The following DOCK10 variants were observed in gnomAD, a reference collection of about 807,000 sequenced individuals.
DOCK10 encodes the protein dedicator of cytokinesis protein 10.
DOCK10 carries 145 observed loss-of-function variants against 280.1 expected under a neutral mutation model. The ratio of observed to expected loss-of-function variants is 0.52; its 90% CI spans 0.45 to 0.59. The LOEUF is 0.59. Among genes scored for constraint, DOCK10 ranks in the 20% least tolerant of loss-of-function variants. The pLI, the probability that DOCK10 is intolerant of heterozygous loss-of-function variation, is 0.00. For synonymous variants in DOCK10, 915 were observed against 942.2 expected (o/e 0.97, Z 0.53); for missense variants, 2,368 against 2,651.7 (o/e 0.89, Z 2.35).
chr2:224,777,611 C>A (rs541644367), intron 51 of DOCK10, among the ~76,000 whole-genome samples: 4 of 152,326 alleles, frequency 2.6e-5, no homozygotes, highest in African/African-American at 9.6e-5. Flanking sequence ...GCACTGTCAA[C>A]TTCCCTACTT....
At chr2:225,021,850 A>G (rs897573198) in intron 1 of DOCK10, among the ~76,000 whole-genome samples, 1 of 152,228 alleles carries the variant, frequency 6.6e-6, no homozygotes. Context: ...TTAAGCCAGC[A>G]CAGTTTTTTG....
chr2:224,801,870 A>G, intron 40 of DOCK10, 46 bp downstream of exon 40: 4 of 1,598,866 alleles, frequency 2.5e-6, no homozygotes, highest in Non-Finnish European at 3.4e-6. Flanking sequence ...ACATACCTAG[A>G]GAAAAACTGG....
intron 2 of DOCK10, among the ~76,000 whole-genome samples, chr2:224,919,547 ATG>A (rs1388487749): frequency 6.7e-6 from 1 of 148,528 alleles, no homozygotes; most frequent in African/African-American, 2.5e-5. Context: ...TGGTATGTGA[ATG>A]TGTGTGGAGT....
intron 29 of DOCK10, among the ~76,000 whole-genome samples, chr2:224,819,056 C>T (rs1035982672): frequency 6.6e-6 from 1 of 152,146 alleles, no homozygotes; most frequent in Admixed American, 6.5e-5. Context: ...ATCTCCCCAG[C>T]GTATACCCCT....
chr2:224,822,899 A>G (rs1366944124), intron 28 of DOCK10, among the ~76,000 whole-genome samples: 1 of 151,450 alleles, frequency 6.6e-6, no homozygotes, highest in Non-Finnish European at 1.5e-5. Flanking sequence ...TAAAAATTTC[A>G]TTTTTTCTCT....
rs1358308100 is a variant in DOCK10 at position 224,864,453 on chromosome 2, T to C, written c.1602+100A>G. The stretch of plus-strand genomic sequence containing the variant: ...TGAACCCAGGAGACAGAGGTTGCAG[T>C]GAGCTGCGATTGTGCCACTGCACTC... On this transcript the variant is annotated intron_variant, in intron 13 of 55. Coordinates refer to ENST00000258390, the MANE Select transcript of DOCK10 (RefSeq NM_014689.3). The C allele has an allele frequency of 1.1e-5, 13 of 1,176,372 alleles. No homozygotes were observed. In the Admixed American group the frequency reaches 4.1e-4, roughly 37 times the overall value. 72.9% of individuals were successfully genotyped at this position (1,176,372 alleles called of 1,614,324 possible). A position where few individuals can be genotyped will look rare whatever the true frequency, so the allele number is the denominator to read the frequency against.
chr2:224,998,785 G>A (rs1706346245), intron 1 of DOCK10, among the ~76,000 whole-genome samples: 3 of 152,036 alleles, frequency 2.0e-5, no homozygotes, highest in South Asian at 4.1e-4. Flanking sequence ...ATACCCAACT[G>A]CCTCCATCAA....
chr2:225,021,279 G>GT (rs1393800298), intron 1 of DOCK10, among the ~76,000 whole-genome samples: 2 of 152,130 alleles, frequency 1.3e-5, no homozygotes, highest in Non-Finnish European at 2.9e-5. Context: ...AACCTGGCAG[G>GT]TAACAGACGG....
At chr2:224,869,215 T>C (rs996321341) in intron 11 of DOCK10, among the ~76,000 whole-genome samples, 7 of 152,196 alleles carry the variant, frequency 4.6e-5, no homozygotes, top group Admixed American at 6.5e-5. Context: ...ATTTTTGGAG[T>C]CAATTTCTAT....
chr2:224,857,523 C>T (rs1181421012), intron 14 of DOCK10, among the ~76,000 whole-genome samples: 18 of 152,172 alleles, frequency 1.2e-4, no homozygotes, highest in Admixed American at 5.2e-4. Flanking sequence ...CTGAGTCAGA[C>T]TGTTGTTTTA....
intron 26 of DOCK10, among the ~76,000 whole-genome samples, chr2:224,831,225 A>G (rs1695207537): frequency 6.6e-6 from 1 of 152,106 alleles, no homozygotes; most frequent in Non-Finnish European, 1.5e-5. Flanking sequence ...GAGAGCCACC[A>G]AGCCTGACCT....
At chr2:224,773,509 C>T (rs1690597591) in intron 52 of DOCK10, among the ~76,000 whole-genome samples, 162 bp from the exon 53 acceptor site, 3 of 152,182 alleles carry the variant, frequency 2.0e-5, no homozygotes, top group African/African-American at 7.2e-5. Context: ...TAGGTGCCAT[C>T]CTCTCTAATA....
chr2:224,805,191 A>C lies in DOCK10; in HGVS notation c.4051+15T>G, dbSNP rs200933585. The C allele has an allele frequency of 2.3e-4, 375 of 1,601,934 alleles. No individual in the cohort carries two copies. Among genetic ancestry groups the C allele is most frequent in the Non-Finnish European group, 2.9e-4 (344 of 1,176,236 alleles). On this transcript the variant is annotated intron_variant, in intron 36 of 55. Coordinates refer to ENST00000258390, the MANE Select transcript of DOCK10 (RefSeq NM_014689.3). The surrounding 1 kb of genome is among the most constrained non-coding windows in gnomAD (Gnocchi z 4.3). ...CTTTTTCCTTTTTTCAAAAAAATTA[A>C]AGAATTCTCTTTACCGTACGAAATC...
At chr2:224,887,183 A>C (rs1220742308) in intron 4 of DOCK10, among the ~76,000 whole-genome samples, 2 of 152,158 alleles carry the variant, frequency 1.3e-5, no homozygotes, top group Non-Finnish European at 2.9e-5. Context: ...ATCACTACTT[A>C]ATAAGTAGTG....
At chr2:225,020,504 T>TA (rs1250426550) in intron 1 of DOCK10, among the ~76,000 whole-genome samples, 2 of 152,192 alleles carry the variant, frequency 1.3e-5, no homozygotes, top group African/African-American at 2.4e-5. Context: ...GATTGTTCTC[T>TA]AAAAAAATCA....
intron 1 of DOCK10, among the ~76,000 whole-genome samples, chr2:224,950,854 T>C (rs1201624397): frequency 1.3e-5 from 2 of 152,226 alleles, no homozygotes; most frequent in Non-Finnish European, 2.9e-5. Flanking sequence ...GAAGTTCCTT[T>C]ACATATGGTA....
intron 2 of DOCK10, among the ~76,000 whole-genome samples, chr2:224,928,929 C>T (rs577633805): frequency 9.8e-5 from 15 of 152,298 alleles, no homozygotes; most frequent in East Asian, 1.9e-4. Flanking sequence ...AAGATGCAAA[C>T]GCCTTATCCT....
intron 4 of DOCK10, among the ~76,000 whole-genome samples, chr2:224,892,044 A>G (rs1559678697): frequency 6.6e-6 from 1 of 152,142 alleles, no homozygotes; most frequent in East Asian, 1.9e-4. Context: ...CTAGGGGAGG[A>G]GAGAGTCAAT....
intron 1 of DOCK10, among the ~76,000 whole-genome samples, chr2:225,007,877 TA>T (rs1433769880): frequency 6.6e-6 from 1 of 152,186 alleles, no homozygotes; most frequent in Non-Finnish European, 1.5e-5. Flanking sequence ...AATGGTCATG[TA>T]AAAAAGAATT....
Sources: allele counts gnomAD v4.1 joint callset (sites outside exome capture counted in the v4.1 genomes callset), GRCh38; gene constraint gnomAD v4.1.1; non-coding constraint Gnocchi (gnomAD v3.1); transcripts MANE v1.5; gene names NCBI Gene and HGNC (gene_info 2026-07-23, HGNC 2026-07-21).